PCSK5: variants seen among roughly 807,000 people sequenced by gnomAD.
PCSK5 encodes proprotein convertase subtilisin/kexin type 5, also known as prohormone convertase 5.
In PCSK5, 129 loss-of-function variants were observed where a neutral mutation model predicts 233.2. That is an observed-to-expected ratio of 0.55 (90% CI 0.48 to 0.64). The LOEUF (loss-of-function observed/expected upper bound fraction) is 0.64. Ranked by LOEUF, PCSK5 falls within the 30% of genes least tolerant of loss-of-function variation. The probability of loss-of-function intolerance (pLI) is 0.00; values close to 1 mark genes in which losing one functional copy is unlikely to be tolerated. For synonymous variants in PCSK5, 825 were observed against 879.2 expected (o/e 0.94, Z 1.09); for missense variants, 2,076 against 2,430.1 (o/e 0.85, Z 3.06).
intron 21 of PCSK5, among the ~76,000 whole-genome samples, chr9:76,228,560 T>C (rs189588798): frequency 4.6e-5 from 7 of 152,378 alleles, no homozygotes; most frequent in Admixed American, 2.0e-4. Flanking sequence ...ATAGCAAGTA[T>C]GCAAATGGAA....
At chr9:76,049,978 T>G (rs1424459307) in intron 5 of PCSK5, among the ~76,000 whole-genome samples, 2 of 152,246 alleles carry the variant, frequency 1.3e-5, no homozygotes, top group Admixed American at 1.3e-4. Context: ...AATGTAGACT[T>G]GTAAATTATT....
At chr9:76,130,046 C>T (rs1359398992) in intron 9 of PCSK5, among the ~76,000 whole-genome samples, 1 of 152,030 alleles carries the variant, frequency 6.6e-6, no homozygotes, top group African/African-American at 2.4e-5. Context: ...AAGTTCATAA[C>T]AATAATGGTA....
intron 1 of PCSK5, among the ~76,000 whole-genome samples, chr9:75,893,778 A>G (rs1262195999): frequency 6.6e-6 from 1 of 152,218 alleles, no homozygotes; most frequent in Non-Finnish European, 1.5e-5. Context: ...TACAGCGCCA[A>G]TGAGGAAATT....
At chr9:75,908,227 C>T (rs1437239281) in intron 1 of PCSK5, among the ~76,000 whole-genome samples, 1 of 152,240 alleles carries the variant, frequency 6.6e-6, no homozygotes, top group African/African-American at 2.4e-5. Flanking sequence ...TGAGTCTCCC[C>T]ATTTGACCTC....
At chr9:76,087,591 CATT>C (rs1329326711) in intron 7 of PCSK5, among the ~76,000 whole-genome samples, 5 of 152,172 alleles carry the variant, frequency 3.3e-5, no homozygotes, top group African/African-American at 1.2e-4. Context: ...ATCCTATAGT[CATT>C]ATTAGGCTCT....
intron 3 of PCSK5, among the ~76,000 whole-genome samples, chr9:76,015,371 T>C (rs1400548572): frequency 6.6e-6 from 1 of 152,190 alleles, no homozygotes; most frequent in Non-Finnish European, 1.5e-5. Context: ...TATCCAGAAA[T>C]ACTATTTACC....
intron 10 of PCSK5, among the ~76,000 whole-genome samples, chr9:76,135,216 T>C (rs1822922331): frequency 6.6e-6 from 1 of 152,066 alleles, no homozygotes; most frequent in African/African-American, 2.4e-5. Context: ...TATCTACGTA[T>C]CATATCTTAC....
intron 24 of PCSK5, among the ~76,000 whole-genome samples, chr9:76,243,121 T>C (rs575952878): frequency 6.6e-6 from 1 of 152,320 alleles, no homozygotes; most frequent in Non-Finnish European, 1.5e-5. Context: ...CAGCAGACAC[T>C]GACCCTCTGG....
rs1417885271 is a variant in PCSK5 at position 76,188,739 on chromosome 9, G to T, written c.2380+64G>T. The T allele has an allele frequency of 1.2e-5, 14 of 1,216,248 alleles. No individual in the cohort carries two copies. In the South Asian group the frequency reaches 1.7e-4, roughly 15 times the overall value. 75.3% of individuals were successfully genotyped at this position (1,216,248 alleles called of 1,614,324 possible). A position where few individuals can be genotyped will look rare whatever the true frequency, so the allele number is the denominator to read the frequency against. On this transcript the variant is annotated intron_variant, in intron 18 of 37. Transcript: ENST00000674117. ...GGTTTTGCTTTTCTTTCTGGTTTGGGCCATCACTCATGCAACCCACTTGAT... is the reference window on the plus strand; with the variant it reads ...GGTTTTGCTTTTCTTTCTGGTTTGGTCCATCACTCATGCAACCCACTTGAT...
rs528838939 is a variant in PCSK5 at position 76,088,483 on chromosome 9, G to A, written c.895-7407G>A. On this transcript the variant is annotated intron_variant, in intron 7 of 37. Coordinates refer to ENST00000674117, the MANE Select transcript of PCSK5 (RefSeq NM_001372043.1). ...CTGAGAGCACAATTATGAAATATTC[G>A]AAGTGTAGAAGCAGAACAAGAGAAA... is the stretch of plus-strand genomic sequence containing the variant. Among the ~76,000 whole-genome samples, 46 of 152,212 alleles carry A rather than the reference G, an allele frequency of 3.0e-4. 1 individual carries two copies. Among genetic ancestry groups the A allele is most frequent in the Admixed American group, 1.9e-3 (29 of 15,288 alleles).
chr9:76,298,161 C>G (rs1458574388), intron 27 of PCSK5, among the ~76,000 whole-genome samples: 1 of 152,074 alleles, frequency 6.6e-6, no homozygotes, highest in Non-Finnish European at 1.5e-5. Flanking sequence ...ATGACACGGT[C>G]CAGGGAGCCA....
chr9:76,187,486 C>T (rs573238705), intron 17 of PCSK5, among the ~76,000 whole-genome samples: 3 of 152,136 alleles, frequency 2.0e-5, no homozygotes, highest in East Asian at 1.9e-4. Flanking sequence ...CTCAGCCTCC[C>T]GAGTAGCTGG....
Position 76,188,504 on chromosome 9 carries a change from T to C in PCSK5, c.2283-74T>C, listed in dbSNP as rs1390798366. On this transcript the variant is annotated intron_variant, in intron 17 of 37. Transcript: ENST00000674117. ...TGAGGGAAACTGTATCTGTTACATATGGAGTTTGGGGAGTCATTACGTTTT... is the reference window on the plus strand; with the variant it reads ...TGAGGGAAACTGTATCTGTTACATACGGAGTTTGGGGAGTCATTACGTTTT... 4.5e-6 allele frequency: 4 copies of C among 897,056 alleles called. No individual in the cohort carries two copies. The East Asian group carries it at 9.8e-5, about 22-fold the overall frequency. 55.6% of individuals were successfully genotyped at this position (897,056 alleles called of 1,614,324 possible).
intron 35 of PCSK5, among the ~76,000 whole-genome samples, chr9:76,346,719 G>C (rs533766912): frequency 1.3e-5 from 2 of 152,092 alleles, no homozygotes; most frequent in East Asian, 3.9e-4. Context: ...CTGGAGACAG[G>C]TTTTTCTCAC....
chr9:76,356,048 A>G (rs1224928597), intron 37 of PCSK5, among the ~76,000 whole-genome samples: 1 of 152,082 alleles, frequency 6.6e-6, no homozygotes, highest in Non-Finnish European at 1.5e-5. Context: ...CTTTCCAAAA[A>G]CGTTTTCCTT....
At chr9:75,940,839 T>A (rs1366701998) in intron 2 of PCSK5, among the ~76,000 whole-genome samples, 2 of 152,248 alleles carry the variant, frequency 1.3e-5, no homozygotes, top group Non-Finnish European at 2.9e-5. Flanking sequence ...ACATTTGCTA[T>A]CCTGAACTTG....
intron 2 of PCSK5, among the ~76,000 whole-genome samples, chr9:75,969,203 T>A (rs1387293127): frequency 1.3e-5 from 2 of 152,184 alleles, no homozygotes; most frequent in African/African-American, 4.8e-5. Flanking sequence ...TGGATGCCAG[T>A]TCTCAGAGCT....
intron 14 of PCSK5, among the ~76,000 whole-genome samples, chr9:76,177,115 C>G (rs1823647932): frequency 6.6e-6 from 1 of 152,062 alleles, no homozygotes; most frequent in South Asian, 2.1e-4. Flanking sequence ...CATGGTGAAA[C>G]CCCATCTCTA....
rs144843217 is a variant in PCSK5, at chr9:76,007,032, C to T, written c.412-16706C>T. 2.8e-4 allele frequency among the ~76,000 whole-genome samples: 43 copies of T among 152,064 alleles called. 1 individual carries two copies. The highest frequency in any genetic ancestry group is 2.5e-3 in the Admixed American group (38 of 15,288). On this transcript the variant is annotated intron_variant, in intron 3 of 37. Coordinates refer to ENST00000674117, the MANE Select transcript of PCSK5 (RefSeq NM_001372043.1). ...TTGACCTCTATGTTGCTTTTTTGTT[C>T]TCTTTCCCATATTTATGCCTTTCTT...
Sources: gnomAD v4.1 joint callset for allele counts (sites outside exome capture counted in the v4.1 genomes callset) on GRCh38, gnomAD v4.1.1 for gene constraint, MANE v1.5 for transcripts, NCBI Gene and HGNC (gene_info 2026-07-23, HGNC 2026-07-21) for gene names.